The following DAB1 variants were observed in gnomAD, a reference collection of about 807,000 sequenced individuals.
DAB1 encodes the protein DAB adaptor protein 1, also known as disabled homolog 1.
Under a neutral mutation model 64.6 loss-of-function variants are expected in DAB1, and 15 were observed. The observed-to-expected ratio is 0.23, with a 90% CI of 0.16 to 0.36. The LOEUF (loss-of-function observed/expected upper bound fraction) is 0.36, where lower values mean the gene tolerates loss of function less well. DAB1 is among the 10% of genes least tolerant of loss of function. The pLI, the probability that DAB1 is intolerant of heterozygous loss-of-function variation, is 1.00. For missense variants in DAB1, 596 were observed against 706.7 expected (o/e 0.84, Z 1.78); for synonymous variants, 235 against 251.9 (o/e 0.93, Z 0.64).
intron 5 of DAB1, among the ~76,000 whole-genome samples, chr1:58,148,696 G>T (rs1464998834): frequency 2.0e-5 from 3 of 152,118 alleles, no homozygotes; most frequent in African/African-American, 7.2e-5. Context: ...GAAAGAGCTT[G>T]CGCAGGGGAA....
At chr1:57,687,229 T>C (rs1423215031) in intron 6 of DAB1, among the ~76,000 whole-genome samples, 1 of 152,072 alleles carries the variant, frequency 6.6e-6, no homozygotes, top group African/African-American at 2.4e-5. Context: ...CAAAAATCAG[T>C]ACCATTTCTA....
intron 1 of DAB1, among the ~76,000 whole-genome samples, chr1:57,371,665 T>C (rs532528267): frequency 1.5e-4 from 23 of 152,310 alleles, no homozygotes; most frequent in South Asian, 1.5e-3. Context: ...GAAGTCAATA[T>C]AGGAACAAGT....
intron 4 of DAB1, among the ~76,000 whole-genome samples, chr1:58,298,768 C>T (rs1027324268): frequency 9.8e-5 from 15 of 152,330 alleles, no homozygotes; most frequent in African/African-American, 3.6e-4. Flanking sequence ...GAGGCAAGAT[C>T]AATGCCTTGC....
chr1:57,669,786 A>G (rs1646489625), intron 6 of DAB1, among the ~76,000 whole-genome samples: 1 of 152,162 alleles, frequency 6.6e-6, no homozygotes, highest in African/African-American at 2.4e-5. Context: ...GTCCTACCAC[A>G]TTATTTAAGC....
At chr1:57,153,877 G>A (rs1659952886) in intron 2 of DAB1, among the ~76,000 whole-genome samples, 1 of 152,144 alleles carries the variant, frequency 6.6e-6, no homozygotes, top group African/African-American at 2.4e-5. Context: ...CTGACCTTGT[G>A]ATCCACCTGC....
At chr1:57,884,314 T>C (rs1421101575), upstream of DAB1, among the ~76,000 whole-genome samples, 1 of 152,146 alleles carries the variant, frequency 6.6e-6, no homozygotes, top group Non-Finnish European at 1.5e-5. Context: ...TAGGTGGTCA[T>C]GGGGCACAGA....
In DAB1 at chr1:57,410,214, T is replaced by C. The variant is rs557596108; in HGVS notation, c.-137+13716A>G. On this transcript the variant is annotated intron_variant, in intron 1 of 14. Coordinates refer to ENST00000371236, the MANE Select transcript of DAB1 (RefSeq NM_001365792.1). Reference sequence around the variant, plus strand: ...GTAGAAAACTCTTCTTTTGTTTTCATTGACTCAAAATAGTTCACTACAGGG... The same window carrying C: ...GTAGAAAACTCTTCTTTTGTTTTCACTGACTCAAAATAGTTCACTACAGGG... 2.6e-5 allele frequency among the ~76,000 whole-genome samples: 4 copies of C among 152,324 alleles called. No homozygotes were observed. In the South Asian group the frequency reaches 6.2e-4, roughly 24 times the overall value.
chr1:58,275,910 GT>G (rs1661432534), intron 4 of DAB1, among the ~76,000 whole-genome samples: 1 of 152,190 alleles, frequency 6.6e-6, no homozygotes, highest in Non-Finnish European at 1.5e-5. Flanking sequence ...TAGCTCAAAG[GT>G]GGAAGCAGCC....
intron 4 of DAB1, chr1:58,228,681 G>A: frequency 3.5e-6 from 4 of 1,128,918 alleles, no homozygotes; most frequent in Non-Finnish European, 5.1e-6. Context: ...TGGGGTGAGG[G>A]CTCAGTACCT....
intron 4 of DAB1, among the ~76,000 whole-genome samples, chr1:58,251,433 G>A (rs1660793819): frequency 6.6e-6 from 1 of 152,160 alleles, no homozygotes; most frequent in Admixed American, 6.5e-5. Flanking sequence ...TTAAGTAGAT[G>A]GCGACATGTG....
intron 7 of DAB1, among the ~76,000 whole-genome samples, chr1:57,591,737 A>C (rs1439292008): frequency 6.6e-6 from 1 of 152,240 alleles, no homozygotes; most frequent in African/African-American, 2.4e-5. Context: ...TATACTTCTC[A>C]GTAAGCAGAA....
intron 1 of DAB1, among the ~76,000 whole-genome samples, chr1:57,364,354 C>T (rs1679794406): frequency 6.6e-6 from 1 of 152,094 alleles, no homozygotes; most frequent in Non-Finnish European, 1.5e-5. Context: ...TTAAACAAAA[C>T]ACTGTCAGAC....
At chr1:58,423,147 C>T (rs1470719694) in intron 3 of DAB1, among the ~76,000 whole-genome samples, 2 of 152,192 alleles carry the variant, frequency 1.3e-5, no homozygotes, top group Non-Finnish European at 2.9e-5. Context: ...CCCCAGAGCC[C>T]TATCTGGTTG....
At chr1:57,499,944 T>C (rs1247115129) in intron 7 of DAB1, among the ~76,000 whole-genome samples, 1 of 152,252 alleles carries the variant, frequency 6.6e-6, no homozygotes, top group Admixed American at 6.5e-5. Flanking sequence ...GTTTTTCACA[T>C]TGCAGATACC....
At chr1:57,460,774 G>A (rs1169391155) in intron 7 of DAB1, among the ~76,000 whole-genome samples, 2 of 152,108 alleles carry the variant, frequency 1.3e-5, no homozygotes, top group Admixed American at 1.3e-4. Flanking sequence ...AATAAGGAAG[G>A]TCCTGCAGAC....
intron 4 of DAB1, among the ~76,000 whole-genome samples, chr1:57,131,163 A>G (rs1189182608): frequency 1.3e-5 from 2 of 152,224 alleles, no homozygotes; most frequent in African/African-American, 4.8e-5. Context: ...CTCTGAAACA[A>G]AAGAAAGAAA....
intron 9 of DAB1, among the ~76,000 whole-genome samples, chr1:57,048,841 G>A (rs370992871): frequency 1.3e-5 from 2 of 152,174 alleles, no homozygotes; most frequent in East Asian, 1.9e-4. Flanking sequence ...GCAGAGAGAC[G>A]GGGTGATCAC....
At chr1:57,094,368 C>G (rs1024223949) in intron 4 of DAB1, among the ~76,000 whole-genome samples, 1 of 152,148 alleles carries the variant, frequency 6.6e-6, no homozygotes, top group Admixed American at 6.5e-5. Context: ...CACATTCTCC[C>G]TTCTTCCTGA....
At chr1:58,075,400 G>A (rs1440233806) in intron 5 of DAB1, among the ~76,000 whole-genome samples, 1 of 152,178 alleles carries the variant, frequency 6.6e-6, no homozygotes, top group Non-Finnish European at 1.5e-5. Flanking sequence ...TCACTTCCAA[G>A]TGGAAGGTTT....
Sources: allele counts gnomAD v4.1 joint callset (sites outside exome capture counted in the v4.1 genomes callset), GRCh38; gene constraint gnomAD v4.1.1; transcripts MANE v1.5; gene names NCBI Gene and HGNC (gene_info 2026-07-23, HGNC 2026-07-21).